HTR7: variants seen among roughly 807,000 people sequenced by gnomAD.
HTR7 encodes the protein 5-HT-7.
A neutral mutation model predicts 34.0 loss-of-function variants in HTR7; 16 were observed. That is an observed-to-expected ratio of 0.47 (90% CI 0.32 to 0.71). HTR7 has a LOEUF of 0.71. HTR7 is among the 30% of genes least tolerant of loss of function. The pLI is 0.04. For missense variants in HTR7, 504 were observed against 625.5 expected (o/e 0.81, Z 2.07); for synonymous variants, 265 against 260.2 (o/e 1.02, Z -0.18).
intron 1 of HTR7, among the ~76,000 whole-genome samples, chr10:90,777,480 CAAA>C (rs1187256524): frequency 5.9e-5 from 3 of 50,608 alleles, no homozygotes; most frequent in Non-Finnish European, 1.3e-4. Flanking sequence ...GACTCCGTCT[CAAA>C]AAAAAAAAAA....
intron 1 of HTR7, among the ~76,000 whole-genome samples, chr10:90,817,549 T>C (rs568711570): frequency 6.6e-6 from 1 of 152,346 alleles, no homozygotes; most frequent in East Asian, 1.9e-4. Context: ...CTCATAAGTA[T>C]GTAATAATTT....
intron 1 of HTR7, among the ~76,000 whole-genome samples, chr10:90,851,197 T>C (rs1045078865): frequency 1.3e-5 from 2 of 152,172 alleles, no homozygotes; most frequent in African/African-American, 4.8e-5. Flanking sequence ...TGTTGGCTAA[T>C]GGCTGATTTT....
chr10:90,787,570 G>C (rs922727074), intron 1 of HTR7, among the ~76,000 whole-genome samples: 1 of 152,098 alleles, frequency 6.6e-6, no homozygotes, highest in Admixed American at 6.5e-5. Context: ...GCTGTGGGTG[G>C]GGATTTACGT....
chr10:90,746,195 T>C (rs1406426498), intron 2 of HTR7, among the ~76,000 whole-genome samples: 1 of 152,234 alleles, frequency 6.6e-6, no homozygotes, highest in African/African-American at 2.4e-5. Context: ...TGAGGATTAA[T>C]TGATCAAATT....
chr10:90,852,081 G>A (rs375775881), intron 1 of HTR7, among the ~76,000 whole-genome samples: 51 of 152,084 alleles, frequency 3.4e-4, no homozygotes, highest in East Asian at 2.1e-3. Flanking sequence ...ATGCTGGGCC[G>A]GGCATGATGG....
chr10:90,801,971 TG>T (rs959878381), intron 1 of HTR7, among the ~76,000 whole-genome samples: 1 of 152,214 alleles, frequency 6.6e-6, no homozygotes, highest in African/African-American at 2.4e-5. Context: ...TAGCCTTTTT[TG>T]TTGCCATTTT....
intron 1 of HTR7, among the ~76,000 whole-genome samples, chr10:90,778,780 T>C (rs1288420110): frequency 6.6e-6 from 1 of 152,248 alleles, no homozygotes; most frequent in Non-Finnish European, 1.5e-5. Context: ...TCTCTTCCAC[T>C]GTCTAAATGT....
intron 1 of HTR7, among the ~76,000 whole-genome samples, chr10:90,824,859 C>A (rs937016159): frequency 6.6e-6 from 1 of 152,214 alleles, no homozygotes; most frequent in African/African-American, 2.4e-5. Flanking sequence ...TGGTTTCTGA[C>A]TTCAGGTCCT....
intron 1 of HTR7, among the ~76,000 whole-genome samples, chr10:90,771,054 C>T (rs1255587972): frequency 6.6e-6 from 1 of 152,212 alleles, no homozygotes; most frequent in Non-Finnish European, 1.5e-5. Context: ...AAAGGAGCTA[C>T]CCTCTCTGCT....
chr10:90,801,924 G>A (rs541047313), intron 1 of HTR7, among the ~76,000 whole-genome samples: 2 of 152,294 alleles, frequency 1.3e-5, no homozygotes, highest in East Asian at 3.9e-4. Context: ...TTTATGGTGT[G>A]AATGTTCATA....
At chr10:90,808,197 TG>T (rs529855491) in intron 1 of HTR7, among the ~76,000 whole-genome samples, 8 of 151,670 alleles carry the variant, frequency 5.3e-5, no homozygotes, top group East Asian at 3.9e-4. Context: ...CCCACTTTTC[TG>T]GGGGGGGCAA....
chr10:90,820,337 A>G (rs747590472), intron 1 of HTR7, among the ~76,000 whole-genome samples: 280 of 152,274 alleles, frequency 1.8e-3, no homozygotes, highest in Non-Finnish European at 3.3e-3. Context: ...AGGGACGAGA[A>G]AGAAGAATCT....
chr10:90,841,661 G>A (rs1169314425), intron 1 of HTR7, among the ~76,000 whole-genome samples: 1 of 152,126 alleles, frequency 6.6e-6, no homozygotes, highest in Non-Finnish European at 1.5e-5. Flanking sequence ...TGGTCGACAT[G>A]GTTCATAAAT....
intron 1 of HTR7, among the ~76,000 whole-genome samples, chr10:90,806,857 T>G (rs181806846): frequency 1.3e-5 from 2 of 152,286 alleles, no homozygotes; most frequent in East Asian, 3.9e-4. Flanking sequence ...AGGGACTGTC[T>G]GATCTCAGAT....
intron 1 of HTR7, among the ~76,000 whole-genome samples, chr10:90,789,612 T>C (rs1249326288): frequency 1.3e-5 from 2 of 152,190 alleles, no homozygotes; most frequent in African/African-American, 4.8e-5. Flanking sequence ...AGAATCATCA[T>C]AGTTCTATGA....
At chr10:90,813,911 C>G (rs555934747) in intron 1 of HTR7, among the ~76,000 whole-genome samples, 13 of 152,240 alleles carry the variant, frequency 8.5e-5, no homozygotes, top group African/African-American at 3.1e-4. Context: ...ATCTATGGGC[C>G]CTATGTAAAT....
intron 1 of HTR7, among the ~76,000 whole-genome samples, chr10:90,830,911 C>A (rs1846159267): frequency 6.6e-6 from 1 of 152,236 alleles, no homozygotes; most frequent in East Asian, 1.9e-4. Flanking sequence ...AGTCTTTCCA[C>A]ACTAGGGTTA....
chr10:90,750,948 G>T (rs543114688), intron 1 of HTR7, among the ~76,000 whole-genome samples: 2 of 152,312 alleles, frequency 1.3e-5, no homozygotes, highest in South Asian at 4.1e-4. Flanking sequence ...GGATAGGACA[G>T]TGAGTAGAAG....
At chr10:90,787,986 AG>A (rs1238029541) in intron 1 of HTR7, among the ~76,000 whole-genome samples, 4 of 152,054 alleles carry the variant, frequency 2.6e-5, no homozygotes, top group Non-Finnish European at 5.9e-5. Flanking sequence ...CAACCCCTGT[AG>A]GGTCCGGTTC....
Sources: gnomAD v4.1 joint callset for allele counts (sites outside exome capture counted in the v4.1 genomes callset) on GRCh38, gnomAD v4.1.1 for gene constraint, MANE v1.5 for transcripts, NCBI Gene and HGNC (gene_info 2026-07-23, HGNC 2026-07-21) for gene names.